Variants in RIMS2 observed in about 807,000 individuals in gnomAD.
RIMS2 encodes the protein regulating synaptic membrane exocytosis protein 2.
In RIMS2, 59 loss-of-function variants were observed where a neutral mutation model predicts 174.4. That is an observed-to-expected ratio of 0.34 (90% confidence interval 0.27 to 0.42). The LOEUF is 0.42. Among genes scored for constraint, RIMS2 ranks in the 10% least tolerant of loss-of-function variants. The pLI is 1.00. For synonymous variants in RIMS2, 606 were observed against 572.5 expected, an observed-to-expected ratio of 1.06 and a Z score of -0.84; for missense variants, 1,620 against 1,666.3, an observed-to-expected ratio of 0.97 and a Z score of 0.48.
chr8:103,510,318 A>G (rs549269883), intron 1 of RIMS2, among the ~76,000 whole-genome samples: 19 of 152,342 alleles, frequency 1.2e-4, no homozygotes, highest in Admixed American at 7.8e-4. Flanking sequence ...TATCATTTTT[A>G]TAATAGTTTG....
rs79337620 is a variant in RIMS2 at position 104,180,913 on chromosome 8, G to T, written c.3335-64003G>T. 6.6e-5 allele frequency among the ~76,000 whole-genome samples: 10 copies of T among 151,794 alleles called. No homozygotes were observed. In the East Asian group the frequency reaches 1.7e-3, roughly 26 times the overall value. ...ATTCTTCTCATTTAAATGTGCTACT[G>T]ATTAAAAGTGGACAATATGAAGCAT... On this transcript the variant is annotated intron_variant, in intron 19 of 23. Transcript: ENST00000504942.
chr8:104,228,282 C>A (rs563858187), intron 19 of RIMS2, among the ~76,000 whole-genome samples: 58 of 152,236 alleles, frequency 3.8e-4, no homozygotes, highest in African/African-American at 1.3e-3. Context: ...CCCGCCTCGA[C>A]CTCCCAAAGT....
Position 104,244,888 on chromosome 8 carries a change from G to C in RIMS2, c.3335-28G>C, listed in dbSNP as rs553254299. 253 of 1,598,332 alleles carry C rather than the reference G, an allele frequency of 1.6e-4. 1 individual carries two copies. The South Asian group carries it at 2.7e-3, about 17-fold the overall frequency. On this transcript the variant is annotated intron_variant, in intron 19 of 23. Coordinates refer to ENST00000504942, the Ensembl canonical transcript of RIMS2. ...CTTACCACATAGTGATTACAAAGCT[G>C]TTACACTTTTTGTTTCTATCTCTGC...
At chr8:104,129,399 T>C (rs1189630097) in intron 19 of RIMS2, among the ~76,000 whole-genome samples, 1 of 152,126 alleles carries the variant, frequency 6.6e-6, no homozygotes, top group Non-Finnish European at 1.5e-5. Context: ...ATAAATAAGA[T>C]TTTATAACAA....
At chr8:103,578,005 A>G (rs568072810) in intron 1 of RIMS2, among the ~76,000 whole-genome samples, 16 of 152,330 alleles carry the variant, frequency 1.1e-4, no homozygotes, top group African/African-American at 3.6e-4. Context: ...CAAATCTAAG[A>G]TTTATTGATG....
intron 16 of RIMS2, among the ~76,000 whole-genome samples, chr8:103,988,825 T>C (rs1424510849): frequency 6.6e-6 from 1 of 152,148 alleles, no homozygotes; most frequent in Non-Finnish European, 1.5e-5. Flanking sequence ...TCAAGGGAGA[T>C]GGCGCAAAGT....
At chr8:104,201,034 A>G (rs1450683790) in intron 19 of RIMS2, among the ~76,000 whole-genome samples, 1 of 152,150 alleles carries the variant, frequency 6.6e-6, no homozygotes, top group Admixed American at 6.5e-5. Flanking sequence ...TTACATGGGT[A>G]AATTGCATCA....
At chr8:104,067,143 A>T (rs755689656) in intron 19 of RIMS2, among the ~76,000 whole-genome samples, 7 of 152,220 alleles carry the variant, frequency 4.6e-5, no homozygotes, top group Non-Finnish European at 1.0e-4. Context: ...CCTATTTTTT[A>T]ATAGGCACGC....
At chr8:103,531,755 C>T (rs1439533100) in intron 1 of RIMS2, among the ~76,000 whole-genome samples, 1 of 152,038 alleles carries the variant, frequency 6.6e-6, no homozygotes, top group Admixed American at 6.6e-5. Flanking sequence ...TTTTAATAAA[C>T]TAGTAAATGT....
chr8:103,915,663 T>C, intron 7 of RIMS2, 69 bp downstream of exon 10: 1 of 684,374 alleles, frequency 1.5e-6, no homozygotes, highest in Non-Finnish European at 2.4e-6. Context: ...TATTTTCATT[T>C]ATTTAGAAGT....
chr8:103,594,603 G>T (rs10098555), intron 1 of RIMS2, among the ~76,000 whole-genome samples: 1 of 151,516 alleles, frequency 6.6e-6, no homozygotes, highest in Non-Finnish European at 1.5e-5. Context: ...TATACAACAC[G>T]TAAATGGTCT....
At chr8:104,129,238 T>C (rs1265576045) in intron 19 of RIMS2, among the ~76,000 whole-genome samples, 1 of 148,276 alleles carries the variant, frequency 6.7e-6, no homozygotes. Flanking sequence ...AAAAAAAAAG[T>C]AGCCACGTGT....
intron 3 of RIMS2, among the ~76,000 whole-genome samples, chr8:103,829,623 G>A (rs2098813472): frequency 6.6e-6 from 1 of 152,084 alleles, no homozygotes; most frequent in Non-Finnish European, 1.5e-5. Flanking sequence ...ACCAAATACT[G>A]CATGTTCTCA....
At chr8:103,917,289 A>G (rs2076795853) in intron 8 of RIMS2, among the ~76,000 whole-genome samples, 1 of 152,180 alleles carries the variant, frequency 6.6e-6, no homozygotes, top group African/African-American at 2.4e-5. Flanking sequence ...GTTTTAATTC[A>G]TTTAGGAAAT....
intron 19 of RIMS2, among the ~76,000 whole-genome samples, chr8:104,239,382 G>A (rs1421104428): frequency 6.6e-6 from 1 of 151,790 alleles, no homozygotes; most frequent in Non-Finnish European, 1.5e-5. Flanking sequence ...TCAAGAACTT[G>A]ATTTTTACCT....
At chr8:103,638,823 C>T (rs2096154294) in intron 1 of RIMS2, among the ~76,000 whole-genome samples, 1 of 152,006 alleles carries the variant, frequency 6.6e-6, no homozygotes, top group Non-Finnish European at 1.5e-5. Flanking sequence ...TAGGCTCTCT[C>T]AGCAAACAAA....
chr8:104,146,244 A>G (rs968853068), intron 19 of RIMS2, among the ~76,000 whole-genome samples: 12 of 145,966 alleles, frequency 8.2e-5, no homozygotes, highest in Admixed American at 6.2e-4. Context: ...GTGTGCTGGC[A>G]TGCACTGTAG....
At chr8:103,545,095 C>A (rs1460713596) in intron 1 of RIMS2, among the ~76,000 whole-genome samples, 3 of 152,114 alleles carry the variant, frequency 2.0e-5, no homozygotes, top group Non-Finnish European at 4.4e-5. Context: ...GAATGAAGAT[C>A]ATCAACATTC....
chr8:103,903,115 T>C (rs1254839311), intron 4 of RIMS2, among the ~76,000 whole-genome samples: 1 of 152,174 alleles, frequency 6.6e-6, no homozygotes, highest in Non-Finnish European at 1.5e-5. Context: ...GAACTTGGTA[T>C]GACTACACTT....
Sources: gnomAD v4.1 joint callset for allele counts (sites outside exome capture counted in the v4.1 genomes callset) on GRCh38, gnomAD v4.1.1 for gene constraint, MANE v1.5 for transcripts, NCBI Gene and HGNC (gene_info 2026-07-23, HGNC 2026-07-21) for gene names.